Variants in FBXO15 observed in about 807,000 individuals in gnomAD.
FBXO15 encodes F-box protein 15.
FBXO15 carries 30 observed loss-of-function variants against 49.5 expected under a neutral mutation model. The ratio of observed to expected loss-of-function variants is 0.61; its 90% CI spans 0.45 to 0.82. The LOEUF (loss-of-function observed/expected upper bound fraction) is 0.82, where lower values mean the gene tolerates loss of function less well. Ranked by LOEUF, FBXO15 falls within the 40% of genes least tolerant of loss-of-function variation. The pLI, the probability that FBXO15 is intolerant of heterozygous loss-of-function variation, is 0.00. For synonymous variants in FBXO15, 250 were observed against 232.7 expected (o/e 1.07, Z -0.68); for missense variants, 591 against 631.5 (o/e 0.94, Z 0.69).
At chr18:74,087,065 G>C (rs1912774502) in intron 8 of FBXO15, among the ~76,000 whole-genome samples, 2 of 152,150 alleles carry the variant, frequency 1.3e-5, no homozygotes, top group South Asian at 4.1e-4. Context: ...ATAGCATTAT[G>C]TCTAAAAAAT....
intron 1 of FBXO15, among the ~76,000 whole-genome samples, chr18:74,144,239 A>G (rs1053159020): frequency 1.3e-5 from 2 of 152,208 alleles, no homozygotes; most frequent in Non-Finnish European, 2.9e-5. Context: ...GCATACAAAG[A>G]AAAGAGATCT....
intron 8 of FBXO15, among the ~76,000 whole-genome samples, chr18:74,111,364 A>G (rs768449118): frequency 6.6e-6 from 1 of 152,096 alleles, no homozygotes; most frequent in Non-Finnish European, 1.5e-5. Context: ...TAAACTAGAT[A>G]TCAATAACAG....
intron 1 of FBXO15, among the ~76,000 whole-genome samples, chr18:74,143,697 A>C (rs1979227868): frequency 6.6e-6 from 1 of 152,240 alleles, no homozygotes; most frequent in Non-Finnish European, 1.5e-5. Flanking sequence ...TTTTCAACCC[A>C]GGTTAAGTGT....
intron 8 of FBXO15, among the ~76,000 whole-genome samples, chr18:74,111,566 C>A (rs1914033554): frequency 6.6e-6 from 1 of 151,814 alleles, no homozygotes; most frequent in South Asian, 2.1e-4. Flanking sequence ...GCATTAAATT[C>A]ATATATTAGA....
intron 9 of FBXO15, among the ~76,000 whole-genome samples, chr18:74,080,719 T>C (rs899573876): frequency 6.6e-6 from 1 of 152,220 alleles, no homozygotes; most frequent in Non-Finnish European, 1.5e-5. Context: ...TAAAGTCCCA[T>C]TGGAAATTTT....
chr18:74,110,708 G>A (rs976064748), intron 8 of FBXO15, among the ~76,000 whole-genome samples: 2 of 149,380 alleles, frequency 1.3e-5, no homozygotes, highest in African/African-American at 4.9e-5. Flanking sequence ...AAATTAAGTG[G>A]AAGGAAAAAA....
At position 74,129,550 on chromosome 18, in the gene FBXO15, G is replaced by A. The variant is rs1234281924; in HGVS notation, c.640C>T (p.His214Tyr). 1 of 1,612,772 alleles carries A rather than the reference G, an allele frequency of 6.2e-7. No homozygotes were observed. The highest frequency in any genetic ancestry group is 1.3e-5 in the African/African-American group (1 of 74,664). ...GTGTCATTTATGGAAAGATCAACAT[G>A]CTCCATGATATATTCTTTTCCACCT... ...EKGGKEYIME[H>Y]VDLSINDTSV... The change falls in exon 5 of 10, where the codon CAT becomes TAT. Residue 214 changes from histidine to tyrosine, a missense_variant. Coordinates refer to ENST00000419743, the MANE Select transcript of FBXO15 (RefSeq NM_001142958.2).
Position 74,140,279 on chromosome 18 carries a change from A to C in FBXO15, c.150T>G (p.Ser50=). 1 of 1,551,502 alleles carries C rather than the reference A, an allele frequency of 6.4e-7. No individual in the cohort carries two copies. The highest frequency in any genetic ancestry group is 8.7e-7 in the Non-Finnish European group (1 of 1,146,922). Reference sequence around the variant, plus strand: ...CTCCGGCATGGCACCTCAGGGCAGCAGAGCCTGCAGAAAGCTTGACCCCTG... The same window carrying C: ...CTCCGGCATGGCACCTCAGGGCAGCCGAGCCTGCAGAAAGCTTGACCCCTG... ...KGPGVKLSAG[S]AALRCHAGGG... Residue 50 remains serine (S), a synonymous_variant, in exon 2 of 10, where the codon TCT becomes TCG. Coordinates refer to ENST00000419743, the MANE Select transcript of FBXO15 (RefSeq NM_001142958.2).
rs958373561 is a variant in FBXO15 at position 74,147,804 on chromosome 18, A to G, written c.-19T>C. On this transcript the variant is annotated 5_prime_UTR_variant, in exon 1 of 10. Transcript: ENST00000419743. ...TCGCCATAGAGACAAGGAGTTCACC[A>G]CAGGACCGCGCCAGGGCTGAAACGA... 3 of 1,510,520 alleles carry G rather than the reference A, an allele frequency of 2.0e-6. No individual in the cohort carries two copies. The highest frequency in any genetic ancestry group is 4.3e-5 in the Admixed American group (2 of 46,590). The allele number at this position is 1,510,520 out of a possible 1,614,324, so 93.6% of individuals were successfully genotyped here.
intron 3 of FBXO15, among the ~76,000 whole-genome samples, chr18:74,134,590 G>C (rs1422373697): frequency 6.6e-6 from 1 of 151,868 alleles, no homozygotes; most frequent in Non-Finnish European, 1.5e-5. Context: ...GGATGGTCTC[G>C]ATCTCCTGAC....
At chr18:74,079,728 A>G (rs1912408096) in intron 9 of FBXO15, among the ~76,000 whole-genome samples, 1 of 152,184 alleles carries the variant, frequency 6.6e-6, no homozygotes, top group East Asian at 1.9e-4. Context: ...CAAACTAAAG[A>G]TACTTTCCAC....
chr18:74,129,651 A>G lies in FBXO15; in HGVS notation c.576-37T>C. ...AAAAAAAACTAACAATGTTTGCCTC[A>G]TTGAAAAAAAAAAAATGCTAAAGGC... On this transcript the variant is annotated intron_variant, in intron 4 of 9. Coordinates refer to ENST00000419743, the MANE Select transcript of FBXO15 (RefSeq NM_001142958.2). The G allele has an allele frequency of 2.0e-6, 3 of 1,529,780 alleles. No homozygotes were observed. In the South Asian group the frequency reaches 3.6e-5, roughly 18 times the overall value. The allele number at this position is 1,529,780 out of a possible 1,614,324, so 94.8% of individuals were successfully genotyped here. A position where few individuals can be genotyped will look rare whatever the true frequency, so the allele number is the denominator to read the frequency against.
chr18:74,104,039 T>C (rs1306324907), intron 8 of FBXO15, among the ~76,000 whole-genome samples: 2 of 152,130 alleles, frequency 1.3e-5, no homozygotes, highest in Middle Eastern at 3.4e-3. Flanking sequence ...AAAAGACAAA[T>C]CTATCAGCAA....
chr18:74,091,274 G>A (rs1268522009), intron 8 of FBXO15, among the ~76,000 whole-genome samples: 1 of 152,060 alleles, frequency 6.6e-6, no homozygotes, highest in Non-Finnish European at 1.5e-5. Flanking sequence ...CATCCCTTGA[G>A]TCTATAGGTG....
rs764896897 is a variant in FBXO15 at position 74,081,960 on chromosome 18, C to T, written c.1230G>A (p.Ser410=). Residue 410 remains serine (S), a synonymous_variant, in exon 9 of 10, where the codon TCG becomes TCA. Coordinates refer to ENST00000419743, the MANE Select transcript of FBXO15 (RefSeq NM_001142958.2). ...HLPLIGKVGL[S]WKTDIFDGCI... ...AGCCATCAAAAATATCAGTTTTCCA[C>T]GAGAGGCCAACTTTTCCAATAAGAG... 9.9e-6 allele frequency: 16 copies of T among 1,612,994 alleles called. No homozygotes were observed. The highest frequency in any genetic ancestry group is 2.2e-5 in the South Asian group (2 of 90,892).
chr18:74,073,877 C>A (rs1912148038), intron 9 of FBXO15, 147 bp from the exon 10 acceptor site: 2 of 978,766 alleles, frequency 2.0e-6, no homozygotes, highest in African/African-American at 3.3e-5. Flanking sequence ...TGGCCTACTT[C>A]ATAACCTAGA....
chr18:74,104,867 G>GTCTA (rs2145152071), intron 8 of FBXO15, among the ~76,000 whole-genome samples: 1 of 152,272 alleles, frequency 6.6e-6, no homozygotes, highest in East Asian at 1.9e-4. Flanking sequence ...ACCATCCCAT[G>GTCTA]TCTACTGCAG....
rs149975704 is a variant in FBXO15 at position 74,099,536 on chromosome 18, C to T, written c.1139-17485G>A. ...CAATTAAAAAAAGGTATACAGGCAA[C>T]AAATAGCACAATGAATGGAATAGTA... On this transcript the variant is annotated intron_variant, in intron 8 of 9. Transcript: ENST00000419743. The T allele has an allele frequency of 2.9e-3, 445 of 152,172 alleles. 7 individuals carry two copies. Among genetic ancestry groups the T allele is most frequent in the African/African-American group, 0.01 (429 of 41,520 alleles). 9.4% of individuals were successfully genotyped at this position (152,172 alleles called of 1,614,324 possible). A position where few individuals can be genotyped will look rare whatever the true frequency, so the allele number is the denominator to read the frequency against.
At chr18:74,107,896 AC>A (rs1913841230) in intron 8 of FBXO15, among the ~76,000 whole-genome samples, 6 of 152,162 alleles carry the variant, frequency 3.9e-5, no homozygotes, top group Admixed American at 3.9e-4. Flanking sequence ...TCAGAGCCTA[AC>A]CTACCTGAAG....
Sources: gnomAD v4.1 joint callset for allele counts (sites outside exome capture counted in the v4.1 genomes callset) on GRCh38, gnomAD v4.1.1 for gene constraint, MANE v1.5 for transcripts, NCBI Gene and HGNC (gene_info 2026-07-23, HGNC 2026-07-21) for gene names.